Variants in SMYD3 observed in about 807,000 individuals in gnomAD.
The protein encoded by SMYD3 is SET and MYND domain containing 3.
Under a neutral mutation model 57.7 loss-of-function variants are expected in SMYD3, and 36 were observed. The ratio of observed to expected loss-of-function variants is 0.62; its 90% CI spans 0.48 to 0.82. The LOEUF (loss-of-function observed/expected upper bound fraction) is 0.82. Among genes scored for constraint, SMYD3 ranks in the 40% least tolerant of loss-of-function variants. The pLI, the probability that SMYD3 is intolerant of heterozygous loss-of-function variation, is 0.00. For synonymous variants in SMYD3, 211 were observed against 195.0 expected, an observed-to-expected ratio of 1.08 and a Z score of -0.68; for missense variants, 515 against 538.8, an observed-to-expected ratio of 0.96 and a Z score of 0.44.
At chr1:246,059,455 G>A (rs1036247928) in intron 5 of SMYD3, among the ~76,000 whole-genome samples, 3 of 152,140 alleles carry the variant, frequency 2.0e-5, no homozygotes, top group Admixed American at 1.3e-4. Context: ...CCAACTGGAG[G>A]TGTTTTGTCT....
intron 5 of SMYD3, among the ~76,000 whole-genome samples, chr1:246,037,078 C>G (rs1412441157): frequency 6.6e-6 from 1 of 152,038 alleles, no homozygotes; most frequent in African/African-American, 2.4e-5. Flanking sequence ...CATTGTATTC[C>G]TATTACAAAC....
intron 1 of SMYD3, among the ~76,000 whole-genome samples, chr1:246,383,987 A>G (rs2066429627): frequency 1.3e-5 from 2 of 152,168 alleles, no homozygotes; most frequent in African/African-American, 4.8e-5. Flanking sequence ...AAAGATCTGG[A>G]ATGGTGAGTC....
At chr1:246,505,242 G>A (rs4654274) in intron 1 of SMYD3, among the ~76,000 whole-genome samples, 36,287 of 152,072 alleles carry the variant, frequency 0.24, 4,542 homozygotes, top group Middle Eastern at 0.31. Context: ...GAAGTAGAGT[G>A]AGCCTGCCTT....
intron 5 of SMYD3, among the ~76,000 whole-genome samples, chr1:246,221,437 C>CT (rs1558326186): frequency 6.6e-6 from 1 of 152,202 alleles, no homozygotes; most frequent in Non-Finnish European, 1.5e-5. Flanking sequence ...AAACATGCCC[C>CT]TTGCTCGCCA....
At chr1:245,950,882 A>C (rs896924852) in intron 5 of SMYD3, among the ~76,000 whole-genome samples, 2 of 152,212 alleles carry the variant, frequency 1.3e-5, no homozygotes, top group Admixed American at 6.5e-5. Context: ...CGCTCTCTCT[A>C]AATAACAGAG....
At chr1:246,168,523 C>A (rs2062262401) in intron 5 of SMYD3, among the ~76,000 whole-genome samples, 1 of 152,218 alleles carries the variant, frequency 6.6e-6, no homozygotes, top group South Asian at 2.1e-4. Flanking sequence ...TTTGGCTATA[C>A]AGACACTCCA....
At chr1:246,351,447 T>C (rs2065821895) in intron 2 of SMYD3, among the ~76,000 whole-genome samples, 1 of 152,212 alleles carries the variant, frequency 6.6e-6, no homozygotes, top group Non-Finnish European at 1.5e-5. Context: ...AGCCTGCTCC[T>C]CCTCTTTGAT....
rs148947059 is a variant in SMYD3, at chr1:245,915,630, C to G, written c.713G>C (p.Cys238Ser). 5.1e-5 allele frequency: 83 copies of G among 1,612,832 alleles called. No homozygotes were observed. The highest frequency in any genetic ancestry group is 6.7e-5 in the Non-Finnish European group (79 of 1,179,008). Residue 238 changes from cysteine to serine, a missense_variant, in exon 8 of 12, where the codon TGC (cysteine) becomes TCC (serine). Transcript: ENST00000490107. Reference protein sequence around the residue: ...DIEVGEELTICYLDMLMTSEE... With the variant: ...DIEVGEELTISYLDMLMTSEE... ...ACTGGTCATCAGCATATCCAGGTAG[C>G]AGATGGTGAGCTGTGCAGGCCAGAG...
chr1:246,351,155 C>T (rs150324206), intron 2 of SMYD3, among the ~76,000 whole-genome samples: 28 of 152,078 alleles, frequency 1.8e-4, no homozygotes, highest in African/African-American at 4.3e-4. Context: ...CCCAAAAATA[C>T]GATTCACATT....
chr1:246,305,331 C>A (rs1376122941), intron 5 of SMYD3, among the ~76,000 whole-genome samples: 1 of 152,154 alleles, frequency 6.6e-6, no homozygotes, highest in African/African-American at 2.4e-5. Context: ...TATAGAAAAT[C>A]TCATTTCAAC....
rs1228277162 is a variant in SMYD3 at position 246,088,567 on chromosome 1, G to GCA, written c.532-158631_532-158630insTG. On this transcript the variant is annotated intron_variant, in intron 5 of 11. Coordinates refer to ENST00000490107, the MANE Select transcript of SMYD3 (RefSeq NM_001167740.2). Reference sequence around the variant, plus strand: ...GGAGCTTGCAGTGAGCCGAGATCATGCCACTGCACTCCAGCCTGGGCGACA... The same window carrying GCA: ...GGAGCTTGCAGTGAGCCGAGATCATGCACCACTGCACTCCAGCCTGGGCGACA... 3.6e-5 allele frequency among the ~76,000 whole-genome samples: 5 copies of GCA among 138,878 alleles called. 1 individual carries two copies. The highest frequency in any genetic ancestry group is 4.1e-4 in the East Asian group (2 of 4,870). 91.1% of individuals were successfully genotyped at this position (138,878 alleles called of 152,430 possible). A position where few individuals can be genotyped will look rare whatever the true frequency, so the allele number is the denominator to read the frequency against.
At chr1:246,475,745 G>A (rs1158595988) in intron 1 of SMYD3, among the ~76,000 whole-genome samples, 1 of 151,694 alleles carries the variant, frequency 6.6e-6, no homozygotes, top group Non-Finnish European at 1.5e-5. Flanking sequence ...CTCCCGAGTA[G>A]CTGAGACTAC....
chr1:245,929,308 CTT>C (rs1051528326), intron 6 of SMYD3, among the ~76,000 whole-genome samples: 19 of 152,212 alleles, frequency 1.2e-4, no homozygotes, highest in African/African-American at 4.3e-4. Context: ...TATTTGGACT[CTT>C]ATGGCATAAA....
chr1:245,999,369 T>C (rs2058993766), intron 5 of SMYD3, among the ~76,000 whole-genome samples: 1 of 152,196 alleles, frequency 6.6e-6, no homozygotes, highest in Non-Finnish European at 1.5e-5. Context: ...GCTATCCATA[T>C]AACAACTTGT....
chr1:246,118,699 AC>A (rs1359375115), intron 5 of SMYD3, among the ~76,000 whole-genome samples: 1 of 151,954 alleles, frequency 6.6e-6, no homozygotes, highest in Non-Finnish European at 1.5e-5. Context: ...AGTCTGAAAT[AC>A]CCATTCTCCC....
intron 5 of SMYD3, among the ~76,000 whole-genome samples, chr1:245,997,294 G>T (rs2058949933): frequency 6.6e-6 from 1 of 152,202 alleles, no homozygotes; most frequent in Non-Finnish European, 1.5e-5. Flanking sequence ...TGTCAACTGG[G>T]GAGTGATCCC....
chr1:246,066,963 G>C (rs1266022322), intron 5 of SMYD3, among the ~76,000 whole-genome samples: 1 of 152,206 alleles, frequency 6.6e-6, no homozygotes, highest in African/African-American at 2.4e-5. Flanking sequence ...GGAGAGAGTG[G>C]CAGAATTCAG....
intron 8 of SMYD3, among the ~76,000 whole-genome samples, chr1:245,867,898 C>G (rs1282226944): frequency 2.6e-5 from 4 of 152,184 alleles, no homozygotes; most frequent in Non-Finnish European, 1.5e-5. Context: ...CTGAATGTTC[C>G]AGGAACATGA....
chr1:246,260,072 G>T (rs994065951), intron 5 of SMYD3, among the ~76,000 whole-genome samples: 2 of 152,166 alleles, frequency 1.3e-5, no homozygotes, highest in African/African-American at 2.4e-5. Flanking sequence ...AGATCTGTCT[G>T]GGCATGGAGC....
Sources: gnomAD v4.1 joint callset for allele counts (sites outside exome capture counted in the v4.1 genomes callset) on GRCh38, gnomAD v4.1.1 for gene constraint, MANE v1.5 for transcripts, NCBI Gene and HGNC (gene_info 2026-07-23, HGNC 2026-07-21) for gene names.